SYT16: variants seen among roughly 807,000 people sequenced by gnomAD.
SYT16 encodes synaptotagmin 16.
Under a neutral mutation model 61.4 loss-of-function variants are expected in SYT16, and 42 were observed. The observed-to-expected ratio is 0.68, with a 90% CI of 0.53 to 0.89. The LOEUF (loss-of-function observed/expected upper bound fraction) is 0.89, where lower values mean the gene tolerates loss of function less well. Ranked by LOEUF, SYT16 falls within the 40% of genes least tolerant of loss-of-function variation. The pLI, the probability that SYT16 is intolerant of heterozygous loss-of-function variation, is 0.00. For missense variants in SYT16, 804 were observed against 807.3 expected (o/e 1.00, Z 0.05); for synonymous variants, 314 against 302.3 (o/e 1.04, Z -0.40).
intron 7 of SYT16, among the ~76,000 whole-genome samples, chr14:62,085,930 A>T (rs1488288501): frequency 6.6e-6 from 1 of 152,168 alleles, no homozygotes; most frequent in East Asian, 1.9e-4. Flanking sequence ...ACTTTTGCTA[A>T]CCTCTTTTGC....
At chr14:61,855,881 T>C (rs1456446684) in intron 1 of SYT16, among the ~76,000 whole-genome samples, 2 of 152,260 alleles carry the variant, frequency 1.3e-5, no homozygotes, top group African/African-American at 4.8e-5. Flanking sequence ...CCTGAATGGT[T>C]TGAATAAATC....
intron 3 of SYT16, among the ~76,000 whole-genome samples, chr14:62,018,713 C>T (rs914843452): frequency 1.2e-4 from 19 of 152,166 alleles, no homozygotes; most frequent in Admixed American, 1.0e-3. Flanking sequence ...TACTCACTTC[C>T]GTTGGGTCTT....
chr14:61,887,194 G>A (rs1206243269), intron 1 of SYT16, among the ~76,000 whole-genome samples: 5 of 152,206 alleles, frequency 3.3e-5, no homozygotes, highest in Admixed American at 2.0e-4. Flanking sequence ...TGTACTATCA[G>A]TGAGCAGTAA....
intron 1 of SYT16, among the ~76,000 whole-genome samples, chr14:61,891,225 C>T (rs938495693): frequency 2.9e-5 from 4 of 139,314 alleles, no homozygotes; most frequent in Non-Finnish European, 4.5e-5. Context: ...CATGTGTGCA[C>T]GTGCATACAC....
chr14:61,915,476 T>C (rs1333135330), intron 1 of SYT16, among the ~76,000 whole-genome samples: 1 of 152,146 alleles, frequency 6.6e-6, no homozygotes, highest in East Asian at 1.9e-4. Flanking sequence ...TGAATTGAAC[T>C]ATAGGAACAA....
At chr14:61,847,260 T>C (rs1032771265) in intron 1 of SYT16, among the ~76,000 whole-genome samples, 1 of 152,232 alleles carries the variant, frequency 6.6e-6, no homozygotes, top group East Asian at 1.9e-4. Context: ...CTTTCAGCTT[T>C]CGTTTGTCTG....
At chr14:61,962,900 C>A (rs1161201935) in intron 1 of SYT16, among the ~76,000 whole-genome samples, 1 of 151,980 alleles carries the variant, frequency 6.6e-6, no homozygotes, top group African/African-American at 2.4e-5. Flanking sequence ...ATATTGTTTT[C>A]CTGATTTAAT....
At chr14:62,069,886 C>T in intron 4 of SYT16, 71 bp downstream of exon 4, 1 of 1,487,988 alleles carries the variant, frequency 6.7e-7, no homozygotes, top group Non-Finnish European at 9.3e-7. Flanking sequence ...GAATTATTCA[C>T]CCTCTGCACT....
intron 3 of SYT16, among the ~76,000 whole-genome samples, chr14:62,045,007 A>G: frequency 6.6e-6 from 1 of 152,108 alleles, no homozygotes; most frequent in East Asian, 1.9e-4. Context: ...GCGTGGTGGC[A>G]CGCACCTGTA....
intron 1 of SYT16, among the ~76,000 whole-genome samples, chr14:61,952,521 G>A (rs1272928179): frequency 6.6e-6 from 1 of 152,238 alleles, no homozygotes. Context: ...AGAAGTGTAT[G>A]TGTCTGTGTG....
At chr14:62,000,104 T>G (rs771592622) in intron 3 of SYT16, among the ~76,000 whole-genome samples, 14,446 of 106,770 alleles carry the variant, frequency 0.14, 2,151 homozygotes, top group Non-Finnish European at 0.21. Flanking sequence ...TCTCGATTTT[T>G]TTTTTTTTTT....
chr14:61,827,305 GA>G (rs2045803080), intron 1 of SYT16, among the ~76,000 whole-genome samples: 1 of 152,298 alleles, frequency 6.6e-6, no homozygotes, highest in East Asian at 1.9e-4. Flanking sequence ...TCTGCTGCAT[GA>G]ATCAGCTAGC....
chr14:61,878,883 G>A (rs1179184595), intron 1 of SYT16, among the ~76,000 whole-genome samples: 1 of 152,084 alleles, frequency 6.6e-6, no homozygotes, highest in Non-Finnish European at 1.5e-5. Context: ...GCAGGGGCTT[G>A]GAGTGGCATT....
intron 3 of SYT16, among the ~76,000 whole-genome samples, chr14:62,024,891 T>C (rs533816208): frequency 6.6e-6 from 1 of 152,258 alleles, no homozygotes; most frequent in South Asian, 2.1e-4. Context: ...ATATAGTATA[T>C]AGGTGTTTCA....
At chr14:61,903,009 GT>G (rs1221916232) in intron 1 of SYT16, among the ~76,000 whole-genome samples, 3 of 152,162 alleles carry the variant, frequency 2.0e-5, no homozygotes, top group Non-Finnish European at 4.4e-5. Context: ...AATCATATCA[GT>G]TTTTTACCAA....
intron 1 of SYT16, among the ~76,000 whole-genome samples, chr14:61,913,738 TAAAAC>T (rs1043912463): frequency 3.1e-4 from 8 of 26,060 alleles, no homozygotes; most frequent in Admixed American, 1.0e-3. Context: ...GTGTGTGAAA[TAAAAC>T]TCGAAGTTAC....
chr14:61,909,117 G>A (rs938926306), intron 1 of SYT16, among the ~76,000 whole-genome samples: 1 of 152,148 alleles, frequency 6.6e-6, no homozygotes, highest in Non-Finnish European at 1.5e-5. Flanking sequence ...TTCATTTTAA[G>A]CACAAAGTCA....
At chr14:62,057,577 TG>T (rs945596984) in intron 3 of SYT16, among the ~76,000 whole-genome samples, 2 of 152,160 alleles carry the variant, frequency 1.3e-5, no homozygotes, top group Non-Finnish European at 2.9e-5. Flanking sequence ...CATGGGTACT[TG>T]GGCTTCTTTC....
intron 2 of SYT16, among the ~76,000 whole-genome samples, chr14:61,990,569 G>C (rs956499352): frequency 6.6e-6 from 1 of 152,172 alleles, no homozygotes; most frequent in Non-Finnish European, 1.5e-5. Flanking sequence ...CTTTCAGAAT[G>C]TGTCTGACTT....
Sources: allele counts gnomAD v4.1 joint callset (sites outside exome capture counted in the v4.1 genomes callset), GRCh38; gene constraint gnomAD v4.1.1; transcripts MANE v1.5; gene names NCBI Gene and HGNC (gene_info 2026-07-23, HGNC 2026-07-21).